Variants in PTPRQ observed in about 807,000 individuals in gnomAD.
The protein encoded by PTPRQ is protein tyrosine phosphatase receptor type Q, also known as phosphatidylinositol phosphatase PTPRQ.
PTPRQ carries 199 observed loss-of-function variants against 246.0 expected under a neutral mutation model. The ratio of observed to expected loss-of-function variants is 0.81; its 90% CI spans 0.72 to 0.91. The LOEUF (loss-of-function observed/expected upper bound fraction) is 0.91. PTPRQ is among the 40% of genes least tolerant of loss of function. The pLI, the probability that PTPRQ is intolerant of heterozygous loss-of-function variation, is 0.00. For synonymous variants in PTPRQ, 869 were observed against 853.2 expected, an observed-to-expected ratio of 1.02 and a Z score of -0.32; for missense variants, 2,624 against 2,528.4, an observed-to-expected ratio of 1.04 and a Z score of -0.81.
chr12:80,649,600 G>A lies in PTPRQ; in HGVS notation c.5955G>A (p.Lys1985=). The change falls in exon 37 of 45, where the codon AAG becomes AAA. Residue 1985 remains lysine, a synonymous_variant. Transcript: ENST00000644991. ...TCTTTACTTGGAGGCCAATAAGCAA[G>A]AAATCCTTCCTGCAACATGTTGAAG... ...SYRKSIKPIS[K]KSFLQHVEEL... 1 of 1,549,424 alleles carries A rather than the reference G, an allele frequency of 6.5e-7. No homozygotes were observed. Among genetic ancestry groups the A allele is most frequent in the Non-Finnish European group, 8.7e-7 (1 of 1,145,606 alleles).
intron 3 of PTPRQ, among the ~76,000 whole-genome samples, chr12:80,449,490 A>G (rs1404021825): frequency 1.3e-5 from 2 of 152,152 alleles, no homozygotes; most frequent in African/African-American, 2.4e-5. Context: ...GTTTACTTCT[A>G]GGGTTTTTAT....
chr12:80,564,366 C>T (rs899171874), intron 25 of PTPRQ, among the ~76,000 whole-genome samples: 1 of 152,130 alleles, frequency 6.6e-6, no homozygotes, highest in South Asian at 2.1e-4. Context: ...ACCTTCCTAA[C>T]TCCACCTTTC....
Position 80,679,074 on chromosome 12 carries a change from C to T in PTPRQ, c.*51C>T. On this transcript the variant is annotated 3_prime_UTR_variant, in exon 45 of 45. Coordinates refer to ENST00000644991, the MANE Select transcript of PTPRQ (RefSeq NM_001145026.2). ...GAAGAGATTTTTAAATCCCAGGGGC[C>T]AAAGTTACCCCCTCATTCTTCCGAA... 1 of 1,529,988 alleles carries T rather than the reference C, an allele frequency of 6.5e-7. No individual in the cohort carries two copies. Among genetic ancestry groups the T allele is most frequent in the Non-Finnish European group, 8.8e-7 (1 of 1,138,370 alleles). 94.8% of individuals were successfully genotyped at this position (1,529,988 alleles called of 1,614,324 possible).
chr12:80,559,058 T>G (rs1052218660), intron 25 of PTPRQ, among the ~76,000 whole-genome samples: 1 of 152,206 alleles, frequency 6.6e-6, no homozygotes, highest in African/African-American at 2.4e-5. Context: ...TTCTTTTCTT[T>G]TTTTGAGACG....
chr12:80,466,033 C>T (rs982592555), intron 6 of PTPRQ, among the ~76,000 whole-genome samples: 3 of 152,066 alleles, frequency 2.0e-5, no homozygotes, highest in South Asian at 4.2e-4. Context: ...AGGAAGTAAA[C>T]GGTATTCAAT....
chr12:80,554,916 G>A (rs931622923), intron 25 of PTPRQ, among the ~76,000 whole-genome samples: 2 of 151,850 alleles, frequency 1.3e-5, no homozygotes, highest in African/African-American at 4.8e-5. Context: ...CTTATTTTTT[G>A]TTTGTTTGTT....
At chr12:80,522,950 C>T (rs543284181) in intron 17 of PTPRQ, among the ~76,000 whole-genome samples, 34 of 152,270 alleles carry the variant, frequency 2.2e-4, no homozygotes, top group South Asian at 6.2e-4. Context: ...ACCAGCTCCT[C>T]CTTGTACCTC....
At chr12:80,447,893 G>C (rs1393032760) in intron 3 of PTPRQ, among the ~76,000 whole-genome samples, 5 of 151,818 alleles carry the variant, frequency 3.3e-5, no homozygotes, top group Admixed American at 6.6e-5. Flanking sequence ...GCTCTTTTTT[G>C]GTTTCATATG....
chr12:80,558,122 T>TCCTTTCCTTTCCTTTCCTTTC (rs553192107), intron 25 of PTPRQ, among the ~76,000 whole-genome samples: 1 of 81,466 alleles, frequency 1.2e-5, no homozygotes, highest in African/African-American at 5.8e-5. Flanking sequence ...TTTCTTTCTT[T>TCCTTTCCTTTCCTTTCCTTTC]CTTTTCTTTT....
chr12:80,506,681 T>A lies in PTPRQ; in HGVS notation c.2557+11T>A, dbSNP rs1281103032. 6.6e-5 allele frequency: 101 copies of A among 1,533,134 alleles called. No individual in the cohort carries two copies. The highest frequency in any genetic ancestry group is 8.4e-5 in the Non-Finnish European group (96 of 1,136,686). The allele number at this position is 1,533,134 out of a possible 1,614,324, so 95.0% of individuals were successfully genotyped here. ...TGACGGAGGAAGATGGTAAATATAA[T>A]AGTGGATATTGATATACTTTGATTC... is the stretch of plus-strand genomic sequence containing the variant. On this transcript the variant is annotated intron_variant, in intron 16 of 44. Coordinates refer to ENST00000644991, the MANE Select transcript of PTPRQ (RefSeq NM_001145026.2).
chr12:80,590,183 G>A (rs1897745894), intron 26 of PTPRQ, among the ~76,000 whole-genome samples: 1 of 152,096 alleles, frequency 6.6e-6, no homozygotes. Flanking sequence ...TCCAGGCACT[G>A]TTCCTTTCCT....
intron 29 of PTPRQ, among the ~76,000 whole-genome samples, chr12:80,615,468 T>C (rs1250116712): frequency 1.3e-5 from 2 of 151,120 alleles, no homozygotes; most frequent in East Asian, 3.9e-4. Context: ...TATAGCAAGA[T>C]AAAGTGAAGA....
intron 24 of PTPRQ, among the ~76,000 whole-genome samples, chr12:80,548,765 G>A (rs1250139434): frequency 1.3e-5 from 2 of 151,986 alleles, no homozygotes; most frequent in Non-Finnish European, 2.9e-5. Flanking sequence ...CATTTCTGTG[G>A]GAAGTAACCA....
At chr12:80,540,333 G>A (rs1222741438) in intron 20 of PTPRQ, among the ~76,000 whole-genome samples, 1 of 152,040 alleles carries the variant, frequency 6.6e-6, no homozygotes, top group African/African-American at 2.4e-5. Context: ...GGACTCTGCA[G>A]CACATCTCTT....
chr12:80,559,941 C>T (rs1896775761), intron 25 of PTPRQ, among the ~76,000 whole-genome samples: 2 of 152,202 alleles, frequency 1.3e-5, no homozygotes, highest in African/African-American at 4.8e-5. Context: ...TTCTGTTCCT[C>T]AACCTTGGGA....
chr12:80,548,884 A>C (rs1449361120), intron 24 of PTPRQ, among the ~76,000 whole-genome samples: 1 of 152,108 alleles, frequency 6.6e-6, no homozygotes. Context: ...GTAAATTCAG[A>C]GAAGCTCTAG....
At chr12:80,612,632 T>G (rs1898596571) in intron 28 of PTPRQ, among the ~76,000 whole-genome samples, 1 of 150,430 alleles carries the variant, frequency 6.6e-6, no homozygotes, top group South Asian at 2.1e-4. Context: ...TGCAGCCACT[T>G]ATAAAACTAA....
chr12:80,634,208 G>A (rs1240417206), intron 34 of PTPRQ, among the ~76,000 whole-genome samples: 2 of 152,064 alleles, frequency 1.3e-5, no homozygotes, highest in South Asian at 2.1e-4. Flanking sequence ...TAGGGAACAT[G>A]TTTTATACTT....
chr12:80,624,401 T>C (rs914571707), intron 33 of PTPRQ, among the ~76,000 whole-genome samples: 1 of 152,206 alleles, frequency 6.6e-6, no homozygotes, highest in Non-Finnish European at 1.5e-5. Context: ...AGGGACTCTC[T>C]CCTGAGATAC....
Sources: gnomAD v4.1 joint callset for allele counts (sites outside exome capture counted in the v4.1 genomes callset) on GRCh38, gnomAD v4.1.1 for gene constraint, MANE v1.5 for transcripts, NCBI Gene and HGNC (gene_info 2026-07-23, HGNC 2026-07-21) for gene names.